Variants in FAM83B observed in about 807,000 individuals in gnomAD.
FAM83B encodes protein FAM83B.
In FAM83B, 26 loss-of-function variants were observed where a neutral mutation model predicts 38.8. The ratio of observed to expected loss-of-function variants is 0.67; its 90% CI spans 0.49 to 0.93. The LOEUF is 0.93. Among genes scored for constraint, FAM83B ranks in the 40% least tolerant of loss-of-function variants. FAM83B has a pLI of 0.00. For synonymous variants in FAM83B, 419 were observed against 423.1 expected, an observed-to-expected ratio of 0.99 and a Z score of 0.12; for missense variants, 1,237 against 1,197.3, an observed-to-expected ratio of 1.03 and a Z score of -0.49.
At chr6:54,889,144 T>C (rs985510727) in intron 2 of FAM83B, among the ~76,000 whole-genome samples, 2 of 152,100 alleles carry the variant, frequency 1.3e-5, no homozygotes, top group African/African-American at 2.4e-5. Flanking sequence ...ATTTTCTTTC[T>C]TGGCATCTGT....
chr6:54,888,158 T>G (rs1020913173), intron 2 of FAM83B, among the ~76,000 whole-genome samples: 9 of 151,928 alleles, frequency 5.9e-5, no homozygotes, highest in African/African-American at 1.4e-4. Context: ...TTTAGTATTC[T>G]TAGTACAATC....
chr6:54,879,305 T>C (rs1772070741), intron 2 of FAM83B, among the ~76,000 whole-genome samples: 1 of 152,122 alleles, frequency 6.6e-6, no homozygotes, highest in East Asian at 1.9e-4. Context: ...AGTGGGTAAA[T>C]ACAGAATATG....
At chr6:54,867,817 A>T (rs575417999) in intron 1 of FAM83B, among the ~76,000 whole-genome samples, 7 of 152,268 alleles carry the variant, frequency 4.6e-5, no homozygotes, top group African/African-American at 1.2e-4. Context: ...CAAATAGGTA[A>T]CAGGTGTTTA....
At chr6:54,880,805 G>T (rs574899185) in intron 2 of FAM83B, among the ~76,000 whole-genome samples, 6 of 152,246 alleles carry the variant, frequency 3.9e-5, no homozygotes. Context: ...AAAAATTCAA[G>T]AAAGGGTTAA....
At chr6:54,924,704 T>G (rs552730937) in intron 2 of FAM83B, among the ~76,000 whole-genome samples, 1 of 151,932 alleles carries the variant, frequency 6.6e-6, no homozygotes, top group Non-Finnish European at 1.5e-5. Flanking sequence ...TTTTTCTCCC[T>G]TTTCTCTCAT....
intron 2 of FAM83B, among the ~76,000 whole-genome samples, chr6:54,922,613 AG>A (rs2127587505): frequency 6.6e-6 from 1 of 152,130 alleles, no homozygotes; most frequent in African/African-American, 2.4e-5. Flanking sequence ...AATAAGAAAA[AG>A]GTTGTGGGAA....
chr6:54,854,690 A>C (rs1771400523), intron 1 of FAM83B, among the ~76,000 whole-genome samples: 1 of 152,236 alleles, frequency 6.6e-6, no homozygotes, highest in South Asian at 2.1e-4. Flanking sequence ...AAATTTGTGT[A>C]ACTCATTTTA....
At chr6:54,882,363 A>G (rs752332714) in intron 2 of FAM83B, among the ~76,000 whole-genome samples, 75 of 152,338 alleles carry the variant, frequency 4.9e-4, no homozygotes, top group Non-Finnish European at 8.1e-4. Context: ...GTATTAACAC[A>G]TTTATCTTCA....
chr6:54,853,871 A>C (rs1396908262), intron 1 of FAM83B, among the ~76,000 whole-genome samples: 2 of 152,230 alleles, frequency 1.3e-5, no homozygotes, highest in Non-Finnish European at 2.9e-5. Flanking sequence ...GAGCAAAATA[A>C]ATAGAAAATC....
At position 54,895,550 on chromosome 6, in the gene FAM83B, C is replaced by A. The variant is rs553701070; in HGVS notation, c.444+24860C>A. ...ATCTATTCAAACTCAGTTATTGCAC[C>A]ACAGTTTTAATACACATTTACATAT... On this transcript the variant is annotated intron_variant, in intron 2 of 4. Coordinates refer to ENST00000306858, the MANE Select transcript of FAM83B (RefSeq NM_001010872.3). Among the ~76,000 whole-genome samples the A allele has an allele frequency of 1.2e-4, 18 of 152,196 alleles. No individual in the cohort carries two copies. The East Asian group carries it at 2.3e-3, about 20-fold the overall frequency.
At chr6:54,935,679 T>C (rs1408247965) in intron 4 of FAM83B, among the ~76,000 whole-genome samples, 1 of 152,138 alleles carries the variant, frequency 6.6e-6, no homozygotes, top group Non-Finnish European at 1.5e-5. Context: ...ATTTGTTTTA[T>C]GCAAAGATCA....
intron 2 of FAM83B, 44 bp downstream of exon 2, chr6:54,870,734 G>A: frequency 6.7e-7 from 1 of 1,490,176 alleles, no homozygotes; most frequent in Admixed American, 2.1e-5. Flanking sequence ...GAAACATGTA[G>A]AAAAGTAGAG....
chr6:54,932,192 A>G lies in FAM83B; in HGVS notation c.734+4560A>G, dbSNP rs183671531. ...CGCCTGGGTAATATTTTGTATTTTT[A>G]GTAGAAACTGGGTTTCACCATGTTA... On this transcript the variant is annotated intron_variant, in intron 4 of 4. Transcript: ENST00000306858. Among the ~76,000 whole-genome samples, 18 of 152,046 alleles carry G rather than the reference A, an allele frequency of 1.2e-4. No individual in the cohort carries two copies. The East Asian group carries it at 2.7e-3, about 23-fold the overall frequency.
intron 2 of FAM83B, among the ~76,000 whole-genome samples, chr6:54,904,118 G>T (rs562485760): frequency 4.0e-5 from 6 of 151,674 alleles, no homozygotes; most frequent in Admixed American, 1.3e-4. Context: ...TTTACATATT[G>T]TTCATTGCTC....
At chr6:54,866,249 T>C (rs865815847) in intron 1 of FAM83B, among the ~76,000 whole-genome samples, 1 of 151,810 alleles carries the variant, frequency 6.6e-6, no homozygotes, top group Admixed American at 6.6e-5. Flanking sequence ...ATCAGTAAGA[T>C]TTTTTTCATT....
At chr6:54,896,389 T>C (rs1772535366) in intron 2 of FAM83B, among the ~76,000 whole-genome samples, 1 of 152,098 alleles carries the variant, frequency 6.6e-6, no homozygotes, top group Admixed American at 6.5e-5. Context: ...CATGCAAAGC[T>C]TGTTGGTAGA....
intron 2 of FAM83B, among the ~76,000 whole-genome samples, chr6:54,880,636 G>A (rs952401726): frequency 3.3e-5 from 5 of 151,754 alleles, no homozygotes; most frequent in Non-Finnish European, 5.9e-5. Context: ...ATAGAGACAG[G>A]GTTTCACCAT....
At chr6:54,933,189 G>A (rs769411756) in intron 4 of FAM83B, among the ~76,000 whole-genome samples, 2 of 149,262 alleles carry the variant, frequency 1.3e-5, no homozygotes, top group Non-Finnish European at 1.5e-5. Context: ...TCCATGACCT[G>A]TCTTCAAGTT....
At chr6:54,919,133 TA>T (rs201757570) in intron 2 of FAM83B, among the ~76,000 whole-genome samples, 2 of 151,968 alleles carry the variant, frequency 1.3e-5, no homozygotes, top group African/African-American at 2.4e-5. Context: ...TTGAAATCAG[TA>T]AAAAAAACTA....
Sources: allele counts gnomAD v4.1 joint callset (sites outside exome capture counted in the v4.1 genomes callset), GRCh38; gene constraint gnomAD v4.1.1; transcripts MANE v1.5; gene names NCBI Gene and HGNC (gene_info 2026-07-23, HGNC 2026-07-21).